The following SLC25A48 variants were observed in gnomAD, a reference collection of about 807,000 sequenced individuals.
The protein encoded by SLC25A48 is solute carrier family 25 member 48.
A neutral mutation model predicts 32.2 loss-of-function variants in SLC25A48; 29 were observed. The ratio of observed to expected loss-of-function variants is 0.90; its 90% CI spans 0.67 to 1.23. The LOEUF (loss-of-function observed/expected upper bound fraction) is 1.23, where lower values mean the gene tolerates loss of function less well. Ranked by LOEUF, SLC25A48 falls within the 50% of genes most tolerant of loss-of-function variation. The pLI is 0.00. For missense variants in SLC25A48, 399 were observed against 422.7 expected (o/e 0.94, Z 0.49); for synonymous variants, 164 against 172.3 (o/e 0.95, Z 0.38).
chr5:135,849,306 T>C (rs1759650333), intron 2 of SLC25A48, among the ~76,000 whole-genome samples: 1 of 152,202 alleles, frequency 6.6e-6, no homozygotes, highest in African/African-American at 2.4e-5. Context: ...CAGTATCTCC[T>C]CTTTGGTGGT....
chr5:135,811,484 G>A (rs1355634466), intron 3 of SLC25A48, among the ~76,000 whole-genome samples: 1 of 152,194 alleles, frequency 6.6e-6, no homozygotes, highest in Non-Finnish European at 1.5e-5. Flanking sequence ...ATAAGTTCCA[G>A]AGATCTGTTG....
intron 3 of SLC25A48, among the ~76,000 whole-genome samples, chr5:135,707,735 C>T (rs984157802): frequency 6.6e-6 from 1 of 152,190 alleles, no homozygotes; most frequent in South Asian, 2.1e-4. Context: ...TTTCCTTATG[C>T]CCCTCATCAG....
chr5:135,757,571 A>G (rs1324132201), intron 3 of SLC25A48, among the ~76,000 whole-genome samples: 1 of 138,946 alleles, frequency 7.2e-6, no homozygotes, highest in African/African-American at 3.1e-5. Context: ...TAGTGTTAAC[A>G]CACAGTGTTA....
intron 1 of SLC25A48, among the ~76,000 whole-genome samples, chr5:135,841,126 C>T (rs75156184): frequency 0.051 from 7,710 of 152,168 alleles, 430 homozygotes; most frequent in African/African-American, 0.14. Flanking sequence ...CGTGTGAAGA[C>T]GTATCTCATT....
chr5:135,594,551 A>T (rs964566374), intron 1 of SLC25A48, among the ~76,000 whole-genome samples: 1 of 152,226 alleles, frequency 6.6e-6, no homozygotes, highest in African/African-American at 2.4e-5. Flanking sequence ...TGAAGATTGC[A>T]TCAGACTTAC....
intron 1 of SLC25A48, among the ~76,000 whole-genome samples, chr5:135,835,558 T>A (rs1758431144): frequency 6.6e-6 from 1 of 152,064 alleles, no homozygotes; most frequent in Non-Finnish European, 1.5e-5. Flanking sequence ...GGGCCTGGGA[T>A]GGGTTGCCTG....
At chr5:135,720,642 C>T (rs1331550958) in intron 3 of SLC25A48, among the ~76,000 whole-genome samples, 3 of 152,132 alleles carry the variant, frequency 2.0e-5, no homozygotes, top group African/African-American at 7.2e-5. Context: ...CATGCATAGC[C>T]CAGCCCTGCA....
chr5:135,592,467 G>A (rs542287438), intron 1 of SLC25A48, among the ~76,000 whole-genome samples: 2 of 152,222 alleles, frequency 1.3e-5, no homozygotes, highest in Admixed American at 6.5e-5. Flanking sequence ...TCTGTAGAAC[G>A]CATGTGTAAC....
rs577145912 is a variant in SLC25A48, at chr5:135,660,654, G to A, written c.-521+25698G>A. On this transcript the variant is annotated intron_variant, in intron 3 of 10. Transcript: ENST00000646290. ...CAGGTTTTTTTTGTATAGGAAGTGC[G>A]GATGATAATAAAAGGACTCAGCTGA... is the stretch of plus-strand genomic sequence containing the variant. Among the ~76,000 whole-genome samples, 45 of 152,150 alleles carry A rather than the reference G, an allele frequency of 3.0e-4. 1 individual carries two copies. Among genetic ancestry groups the A allele is most frequent in the African/African-American group, 9.9e-4 (41 of 41,492 alleles).
intron 2 of SLC25A48, among the ~76,000 whole-genome samples, chr5:135,631,205 T>C (rs142982835): frequency 1.3e-5 from 2 of 152,222 alleles, no homozygotes; most frequent in East Asian, 1.9e-4. Flanking sequence ...ATTTTGGACA[T>C]GGTTTGGTTA....
At chr5:135,614,743 C>A (rs950797456) in intron 1 of SLC25A48, among the ~76,000 whole-genome samples, 1 of 152,110 alleles carries the variant, frequency 6.6e-6, no homozygotes, top group Non-Finnish European at 1.5e-5. Context: ...CCCACTTGAT[C>A]ACGGTTGATA....
At chr5:135,721,122 AC>A (rs1754942183) in intron 3 of SLC25A48, among the ~76,000 whole-genome samples, 1 of 144,826 alleles carries the variant, frequency 6.9e-6, no homozygotes, top group East Asian at 2.0e-4. Flanking sequence ...GCTCACTGCA[AC>A]CTCTGCCTCC....
At chr5:135,668,306 A>G (rs752822779) in intron 3 of SLC25A48, among the ~76,000 whole-genome samples, 17 of 152,262 alleles carry the variant, frequency 1.1e-4, no homozygotes, top group Non-Finnish European at 2.1e-4. Context: ...AGCTATTTAT[A>G]TACGCAGCAA....
intron 3 of SLC25A48, among the ~76,000 whole-genome samples, chr5:135,768,035 G>A (rs1423499145): frequency 6.9e-6 from 1 of 145,398 alleles, no homozygotes; most frequent in Non-Finnish European, 1.5e-5. Context: ...TAATATCAAG[G>A]GGGGAGAAAG....
chr5:135,659,995 A>G (rs1302896712), intron 3 of SLC25A48, among the ~76,000 whole-genome samples: 2 of 152,194 alleles, frequency 1.3e-5, no homozygotes, highest in East Asian at 3.8e-4. Context: ...AAACCATAAC[A>G]GTGTTGAAGC....
chr5:135,884,886 C>G (rs60829485), intron 7 of SLC25A48, among the ~76,000 whole-genome samples: 21,079 of 151,972 alleles, frequency 0.14, 1,587 homozygotes, highest in Middle Eastern at 0.2. Flanking sequence ...TGAGCTTTTC[C>G]TAGTTTCTAT....
At chr5:135,668,409 C>T (rs757838087) in intron 3 of SLC25A48, among the ~76,000 whole-genome samples, 35 of 152,164 alleles carry the variant, frequency 2.3e-4, no homozygotes, top group Non-Finnish European at 4.4e-4. Context: ...TCTGAAACAT[C>T]TTCTTGCAAG....
chr5:135,619,223 C>T (rs1304440545), intron 1 of SLC25A48, among the ~76,000 whole-genome samples: 1 of 151,472 alleles, frequency 6.6e-6, no homozygotes, highest in Non-Finnish European at 1.5e-5. Context: ...TTTTGTTTGA[C>T]TGGATTATTT....
chr5:135,721,192 C>CTTTTTTTTTTTTTTTTTTT lies in SLC25A48; in HGVS notation c.-521+86247_-521+86265dup. ...GAGTAGCTGGGACACCATGCCTGGC[C>CTTTTTTTTTTTTTTTTTTT]TTTTTTTTTTTTTTTTTTTTTTTTT... On this transcript the variant is annotated intron_variant, in intron 3 of 10. Transcript: ENST00000646290. 2.8e-4 allele frequency among the ~76,000 whole-genome samples: 15 copies of CTTTTTTTTTTTTTTTTTTT among 53,884 alleles called. 2 individuals are homozygous for CTTTTTTTTTTTTTTTTTTT. Among genetic ancestry groups the CTTTTTTTTTTTTTTTTTTT allele is most frequent in the Non-Finnish European group, 5.5e-4 (13 of 23,718 alleles). 35.3% of individuals were successfully genotyped at this position (53,884 alleles called of 152,430 possible). A position where few individuals can be genotyped will look rare whatever the true frequency, so the allele number is the denominator to read the frequency against.
Sources: gnomAD v4.1 joint callset for allele counts (sites outside exome capture counted in the v4.1 genomes callset) on GRCh38, gnomAD v4.1.1 for gene constraint, MANE v1.5 for transcripts, NCBI Gene and HGNC (gene_info 2026-07-23, HGNC 2026-07-21) for gene names.